LYPLAL1: variants seen among roughly 807,000 people sequenced by gnomAD.
LYPLAL1 encodes lysophospholipase-like protein 1.
A neutral mutation model predicts 19.7 loss-of-function variants in LYPLAL1; 23 were observed. The ratio of observed to expected loss-of-function variants is 1.17; its 90% confidence interval spans 0.84 to 1.65. The LOEUF (loss-of-function observed/expected upper bound fraction) is 1.65. Among genes scored for constraint, LYPLAL1 ranks in the 40% most tolerant of loss-of-function variants. The pLI is 0.00. For synonymous variants in LYPLAL1, 119 were observed against 96.3 expected (o/e 1.24, Z -1.38); for missense variants, 355 against 279.4 (o/e 1.27, Z -1.93).
the LYPLAL1 span, among the ~76,000 whole-genome samples, chr1:219,235,587 C>T: frequency 6.6e-6 from 1 of 152,150 alleles, no homozygotes; most frequent in Admixed American, 6.5e-5. Context: ...GAAATCAAGA[C>T]TGCCATTTCT....
At chr1:219,241,126 C>CTATATA in the LYPLAL1 span, among the ~76,000 whole-genome samples, 29 of 89,368 alleles carry the variant, frequency 3.2e-4, no homozygotes, top group East Asian at 1.0e-3. Context: ...CTCTCTCTCT[C>CTATATA]TCTCTCTCTA....
chr1:219,244,138 A>G, the LYPLAL1 span, among the ~76,000 whole-genome samples: 1 of 152,322 alleles, frequency 6.6e-6, no homozygotes, highest in East Asian at 1.9e-4. Flanking sequence ...CCATAAATGC[A>G]ATTGGAAAAC....
At chr1:219,412,628 AC>A in the LYPLAL1 span, among the ~76,000 whole-genome samples, 1 of 152,186 alleles carries the variant, frequency 6.6e-6, no homozygotes, top group Non-Finnish European at 1.5e-5. Context: ...CTTTAAAATG[AC>A]CATGAAGAAT....
At chr1:219,399,592 G>T in the LYPLAL1 span, among the ~76,000 whole-genome samples, 4 of 152,132 alleles carry the variant, frequency 2.6e-5, no homozygotes. Flanking sequence ...GGAGCAGGGG[G>T]GTTGGTGCAT....
chr1:219,340,595 T>G, the LYPLAL1 span, among the ~76,000 whole-genome samples: 1 of 152,096 alleles, frequency 6.6e-6, no homozygotes, highest in Non-Finnish European at 1.5e-5. Flanking sequence ...GTTAGAATTT[T>G]ACTGTTCTTC....
At chr1:219,394,264 T>G in the LYPLAL1 span, among the ~76,000 whole-genome samples, 1 of 152,206 alleles carries the variant, frequency 6.6e-6, no homozygotes, top group Non-Finnish European at 1.5e-5. Flanking sequence ...CAAAATGTTA[T>G]GAATTCAAAT....
At chr1:219,332,811 G>A in the LYPLAL1 span, among the ~76,000 whole-genome samples, 1 of 124,968 alleles carries the variant, frequency 8.0e-6, no homozygotes, top group Non-Finnish European at 1.6e-5. Context: ...TAATGTATTA[G>A]CTGATTTTCT....
the LYPLAL1 span, among the ~76,000 whole-genome samples, chr1:219,404,670 G>A: frequency 6.6e-6 from 1 of 152,162 alleles, no homozygotes; most frequent in Non-Finnish European, 1.5e-5. Context: ...CAAAAATACA[G>A]TTAGATAGAA....
At chr1:219,176,164 T>C (rs1655794799) in intron 1 of LYPLAL1, among the ~76,000 whole-genome samples, 1 of 152,206 alleles carries the variant, frequency 6.6e-6, no homozygotes, top group South Asian at 2.1e-4. Flanking sequence ...GCCTTTTCTA[T>C]TAATAAAGTA....
chr1:219,291,941 G>T, the LYPLAL1 span, among the ~76,000 whole-genome samples: 1 of 151,568 alleles, frequency 6.6e-6, no homozygotes, highest in Non-Finnish European at 1.5e-5. Flanking sequence ...CTTTTTTCAG[G>T]ATTGATTACA....
chr1:219,243,280 T>A, the LYPLAL1 span, among the ~76,000 whole-genome samples: 1 of 152,212 alleles, frequency 6.6e-6, no homozygotes, highest in Non-Finnish European at 1.5e-5. Flanking sequence ...CAATTGAATT[T>A]TCACAAGTCC....
At chr1:219,271,819 A>G in the LYPLAL1 span, 1 of 152,242 alleles carries the variant, frequency 6.6e-6, no homozygotes, top group Non-Finnish European at 1.5e-5. Flanking sequence ...AGAAATGAAG[A>G]GATCAGCAAT....
chr1:219,266,801 G>A, the LYPLAL1 span, among the ~76,000 whole-genome samples: 2 of 152,214 alleles, frequency 1.3e-5, no homozygotes, highest in South Asian at 2.1e-4. Context: ...TATGCAGTCC[G>A]TTGTTGATGG....
the LYPLAL1 span, among the ~76,000 whole-genome samples, chr1:219,348,481 T>C: frequency 6.6e-6 from 1 of 152,360 alleles, no homozygotes; most frequent in Non-Finnish European, 1.5e-5. Flanking sequence ...CTTCCACACA[T>C]GGTTTTCCTT....
At chr1:219,360,278 A>G in the LYPLAL1 span, among the ~76,000 whole-genome samples, 8 of 152,186 alleles carry the variant, frequency 5.3e-5, no homozygotes, top group Middle Eastern at 3.4e-3. Flanking sequence ...GCATCGGGAG[A>G]ACTTCTTGGT....
chr1:219,408,862 T>C, the LYPLAL1 span, among the ~76,000 whole-genome samples: 1 of 152,128 alleles, frequency 6.6e-6, no homozygotes, highest in South Asian at 2.1e-4. Flanking sequence ...TGGGAAATAT[T>C]TGGAAAGGTA....
the LYPLAL1 span, among the ~76,000 whole-genome samples, chr1:219,362,605 CG>C: frequency 1.3e-5 from 2 of 152,020 alleles, no homozygotes; most frequent in Non-Finnish European, 2.9e-5. Flanking sequence ...GAATGGGGTA[CG>C]GAAGTGGCAA....
the LYPLAL1 span, among the ~76,000 whole-genome samples, chr1:219,230,875 C>A: frequency 1.3e-5 from 2 of 152,202 alleles, no homozygotes; most frequent in African/African-American, 4.8e-5. Context: ...TTAAGACAAC[C>A]ATGCCAGGGC....
At chr1:219,331,360 C>G in the LYPLAL1 span, among the ~76,000 whole-genome samples, 1 of 152,116 alleles carries the variant, frequency 6.6e-6, no homozygotes, top group South Asian at 2.1e-4. Context: ...AACAATTACT[C>G]TCATTCACAC....
Sources: allele counts gnomAD v4.1 joint callset (sites outside exome capture counted in the v4.1 genomes callset), GRCh38; gene constraint gnomAD v4.1.1; transcripts MANE v1.5; gene names NCBI Gene and HGNC (gene_info 2026-07-23, HGNC 2026-07-21).